Variants in PRKAG2 observed in about 807,000 individuals in gnomAD.
The protein encoded by PRKAG2 is 5'-AMP-activated protein kinase subunit gamma-2.
PRKAG2 carries 26 observed loss-of-function variants against 69.6 expected under a neutral mutation model. The ratio of observed to expected loss-of-function variants is 0.37; its 90% CI spans 0.27 to 0.52. The LOEUF (loss-of-function observed/expected upper bound fraction) is 0.52. Ranked by LOEUF, PRKAG2 falls within the 20% of genes least tolerant of loss-of-function variation. PRKAG2 has a pLI of 0.90. For synonymous variants in PRKAG2, 293 were observed against 285.0 expected, an observed-to-expected ratio of 1.03 and a Z score of -0.28; for missense variants, 557 against 740.0, an observed-to-expected ratio of 0.75 and a Z score of 2.87.
Position 151,836,088 on chromosome 7 carries a change from T to C in PRKAG2, c.114+40419A>G, listed in dbSNP as rs181503926. ...CCGACATTTTTTGGTTTTAAACCAG[T>C]GAGATGTGATTACAATGAATATTCA... is the stretch of plus-strand genomic sequence containing the variant. On this transcript the variant is annotated intron_variant, in intron 1 of 15. Coordinates refer to ENST00000287878, the MANE Select transcript of PRKAG2 (RefSeq NM_016203.4). This position sits in a 1 kb window ranked among gnomAD's most constrained non-coding sequence, Gnocchi z 4.1. Among the ~76,000 whole-genome samples, 1 of 152,248 alleles carries C rather than the reference T, an allele frequency of 6.6e-6. No individual in the cohort carries two copies. The highest frequency in any genetic ancestry group is 1.9e-4 in the East Asian group (1 of 5,178).
intron 3 of PRKAG2, among the ~76,000 whole-genome samples, chr7:151,767,036 C>T (rs776672221): frequency 2.0e-5 from 3 of 152,104 alleles, no homozygotes; most frequent in Non-Finnish European, 4.4e-5. Context: ...CAGAGGGTCC[C>T]GTAGTCCAAT....
intron 6 of PRKAG2, among the ~76,000 whole-genome samples, chr7:151,585,262 A>C (rs1223091186): frequency 6.6e-6 from 1 of 152,186 alleles, no homozygotes; most frequent in African/African-American, 2.4e-5. Context: ...GTGATATATA[A>C]AATTTCAAGT....
chr7:151,560,565 G>C lies in PRKAG2; in HGVS notation c.1637C>G (p.Ser546Cys), dbSNP rs1584912413. 1.9e-6 allele frequency: 3 copies of C among 1,613,870 alleles called. No individual in the cohort carries two copies. Among genetic ancestry groups the C allele is most frequent in the Non-Finnish European group, 2.5e-6 (3 of 1,179,912 alleles). Residue 546 changes from serine (S) to cysteine (C), a missense_variant, in exon 15 of 16, where the codon TCC becomes TGC. By Grantham distance (112) the Ser-to-Cys change is moderately radical (BLOSUM62 -1). Around this residue, in one of 2 missense-constraint regions of PRKAG2, gnomAD observed 205 missense variants for 383.4 expected, o/e 0.53. Transcript: ENST00000287878. ...NEADSIVGIISLSDILQALIL... is the reference protein window; with the variant it reads ...NEADSIVGIICLSDILQALIL... ...CAGGGCTTGCAGAATGTCCGACAGG[G>C]AAATAATACCCACAATACTATCTGC...
Position 151,756,753 on chromosome 7 carries a change from G to A in PRKAG2, c.466+24399C>T, listed in dbSNP as rs546188684. Reference sequence around the variant, plus strand: ...GATTTTCCTTACTCATCGGTGGGTCGCTTCCCAAACTCTAGTCTGGCGTCT... The same window carrying A: ...GATTTTCCTTACTCATCGGTGGGTCACTTCCCAAACTCTAGTCTGGCGTCT... On this transcript the variant is annotated intron_variant, in intron 3 of 15. Transcript: ENST00000287878. The surrounding 1 kb of genome is among the most constrained non-coding windows in gnomAD (Gnocchi z 4.9). Among the ~76,000 whole-genome samples, 17 of 152,122 alleles carry A rather than the reference G, an allele frequency of 1.1e-4. No individual in the cohort carries two copies. The highest frequency in any genetic ancestry group is 4.2e-4 in the South Asian group (2 of 4,808).
In PRKAG2 at chr7:151,583,593, A is replaced by G. The variant is rs575490206; in HGVS notation, c.865-7141T>C. On this transcript the variant is annotated intron_variant, in intron 6 of 15. Coordinates refer to ENST00000287878, the MANE Select transcript of PRKAG2 (RefSeq NM_016203.4). The surrounding 1 kb of genome is among the most constrained non-coding windows in gnomAD (Gnocchi z 4.1). ...CATACTTGGAAAATTCTCCATAATTATAGACGGCACAGGGTGTTCCAATTA... is the reference window on the plus strand; with the variant it reads ...CATACTTGGAAAATTCTCCATAATTGTAGACGGCACAGGGTGTTCCAATTA... Among the ~76,000 whole-genome samples the G allele has an allele frequency of 2.6e-5, 4 of 152,178 alleles. No individual in the cohort carries two copies. The highest frequency in any genetic ancestry group is 2.4e-5 in the African/African-American group (1 of 41,454).
chr7:151,732,258 C>G (rs1302874917), intron 3 of PRKAG2, among the ~76,000 whole-genome samples: 4 of 151,428 alleles, frequency 2.6e-5, no homozygotes, highest in African/African-American at 4.9e-5. Context: ...CCCAACTCAG[C>G]CTTCCAATTA....
At chr7:151,723,531 C>G (rs892519770) in intron 3 of PRKAG2, among the ~76,000 whole-genome samples, 1 of 152,220 alleles carries the variant, frequency 6.6e-6, no homozygotes, top group Non-Finnish European at 1.5e-5. Context: ...GTCTGACGGT[C>G]CTGATGGCTG....
intron 4 of PRKAG2, among the ~76,000 whole-genome samples, chr7:151,647,779 G>C (rs940832693): frequency 6.6e-6 from 1 of 152,114 alleles, no homozygotes; most frequent in African/African-American, 2.4e-5. Context: ...ATCGTTTTTG[G>C]CAATATAAAA....
intron 15 of PRKAG2, chr7:151,557,883 AAAAAAAAC>A: frequency 5.2e-6 from 5 of 963,974 alleles, no homozygotes; most frequent in Non-Finnish European, 6.1e-6. Flanking sequence ...AAATAAAAAA[AAAAAAAAC>A]AAAAAAACAA....
chr7:151,674,894 A>C lies in PRKAG2; in HGVS notation c.684+526T>G, dbSNP rs1035154337. ...AAAAACCTCCTCCTGGTCATGTCCC[A>C]GATGTTACCATTTTTCATTTTGTTT... On this transcript the variant is annotated intron_variant, in intron 4 of 15. Coordinates refer to ENST00000287878, the MANE Select transcript of PRKAG2 (RefSeq NM_016203.4). 27 of 180,458 alleles carry C rather than the reference A, an allele frequency of 1.5e-4. 1 individual carries two copies. Among genetic ancestry groups the C allele is most frequent in the Middle Eastern group, 5.2e-3 (2 of 386 alleles). The allele number at this position is 180,458 out of a possible 1,614,324, so 11.2% of individuals were successfully genotyped here.
At chr7:151,827,766 A>C (rs1288567815) in intron 1 of PRKAG2, among the ~76,000 whole-genome samples, 1 of 150,364 alleles carries the variant, frequency 6.7e-6, no homozygotes, top group Non-Finnish European at 1.5e-5. Flanking sequence ...AAAAAAAAAA[A>C]AAAAAAAACT....
At position 151,715,322 on chromosome 7, in the gene PRKAG2, C is replaced by CAAAAA. The variant is rs34971340; in HGVS notation, c.467-39690_467-39686dup. ...TGAGCCACTGCACCTGGCCTAAAAG[C>CAAAAA]AAAAAAAAAAAAAAAAAAAAAAAAA... is the stretch of plus-strand genomic sequence containing the variant. On this transcript the variant is annotated intron_variant, in intron 3 of 15. Transcript: ENST00000287878. 5.6e-3 allele frequency among the ~76,000 whole-genome samples: 350 copies of CAAAAA among 62,444 alleles called. 22 individuals are homozygous for CAAAAA. The highest frequency in any genetic ancestry group is 0.02 in the African/African-American group (287 of 14,032). 41.0% of individuals were successfully genotyped at this position (62,444 alleles called of 152,430 possible).
At chr7:151,723,278 T>C (rs1489480606) in intron 3 of PRKAG2, among the ~76,000 whole-genome samples, 2 of 152,164 alleles carry the variant, frequency 1.3e-5, no homozygotes, top group African/African-American at 4.8e-5. Flanking sequence ...AGTGGAGTCC[T>C]TCTTCAAGGG....
At chr7:151,749,198 T>C (rs1481956762) in intron 3 of PRKAG2, among the ~76,000 whole-genome samples, 1 of 152,214 alleles carries the variant, frequency 6.6e-6, no homozygotes, top group African/African-American at 2.4e-5. Flanking sequence ...GAATTTGCCA[T>C]CTTTTCTCTC....
chr7:151,717,314 A>C (rs1424896926), intron 3 of PRKAG2, among the ~76,000 whole-genome samples: 2 of 152,054 alleles, frequency 1.3e-5, no homozygotes, highest in African/African-American at 2.4e-5. Context: ...GCATAAAAAG[A>C]GGGTGCAATC....
At chr7:151,707,278 C>A (rs1271239807) in intron 3 of PRKAG2, among the ~76,000 whole-genome samples, 1 of 152,222 alleles carries the variant, frequency 6.6e-6, no homozygotes, top group African/African-American at 2.4e-5. Flanking sequence ...ATTCATTCAA[C>A]AGGTGAGCAG....
chr7:151,782,360 G>A (rs2076743381), intron 2 of PRKAG2, among the ~76,000 whole-genome samples: 2 of 35,566 alleles, frequency 5.6e-5, no homozygotes, highest in African/African-American at 1.4e-4. Flanking sequence ...AGGGAGGGAG[G>A]GAGGGAGGGA....
chr7:151,680,590 G>T (rs1833729579), intron 3 of PRKAG2, among the ~76,000 whole-genome samples: 2 of 152,224 alleles, frequency 1.3e-5, no homozygotes, highest in African/African-American at 4.8e-5. Context: ...TGGCAGGGAG[G>T]ACTTTCATCA....
intron 3 of PRKAG2, among the ~76,000 whole-genome samples, chr7:151,733,128 C>T (rs1411400589): frequency 6.6e-6 from 1 of 152,218 alleles, no homozygotes; most frequent in East Asian, 1.9e-4. Context: ...GTATCCACGC[C>T]CAACACTGTC....
Sources: allele counts gnomAD v4.1 joint callset (sites outside exome capture counted in the v4.1 genomes callset), GRCh38; gene constraint gnomAD v4.1.1; regional missense constraint gnomAD v4.1.1; non-coding constraint Gnocchi (gnomAD v3.1); transcripts MANE v1.5; gene names NCBI Gene and HGNC (gene_info 2026-07-23, HGNC 2026-07-21).